The following SAMD4A variants were observed in gnomAD, a reference collection of about 807,000 sequenced individuals.
SAMD4A encodes sterile alpha motif domain containing 4A.
SAMD4A carries 33 observed loss-of-function variants against 81.3 expected under a neutral mutation model. That is an observed-to-expected ratio of 0.41 (90% CI 0.31 to 0.54). The LOEUF (loss-of-function observed/expected upper bound fraction) is 0.54. Among genes scored for constraint, SAMD4A ranks in the 20% least tolerant of loss-of-function variants. The pLI is 0.37. For synonymous variants in SAMD4A, 389 were observed against 382.1 expected, an observed-to-expected ratio of 1.02 and a Z score of -0.21; for missense variants, 854 against 951.1, an observed-to-expected ratio of 0.90 and a Z score of 1.34.
At chr14:54,588,017 C>CT (rs1045507401) in intron 2 of SAMD4A, among the ~76,000 whole-genome samples, 5 of 151,182 alleles carry the variant, frequency 3.3e-5, no homozygotes, top group Middle Eastern at 3.4e-3. Context: ...TCGTCCTGGA[C>CT]TTTTTTTTTG....
intron 3 of SAMD4A, among the ~76,000 whole-genome samples, chr14:54,710,331 T>C (rs1027908972): frequency 5.3e-5 from 8 of 152,192 alleles, no homozygotes; most frequent in Admixed American, 2.6e-4. Flanking sequence ...TTACTATATA[T>C]TGGGTACTGT....
chr14:54,576,924 T>G (rs2033314657), intron 2 of SAMD4A, among the ~76,000 whole-genome samples: 1 of 152,206 alleles, frequency 6.6e-6, no homozygotes, highest in Non-Finnish European at 1.5e-5. Context: ...GAATGTGACT[T>G]AGCCTGGGGT....
chr14:54,691,549 C>CAAA (rs10610242), intron 2 of SAMD4A, among the ~76,000 whole-genome samples: 18 of 101,070 alleles, frequency 1.8e-4, no homozygotes, highest in African/African-American at 6.3e-4. Context: ...CTTCCCTTCT[C>CAAA]AAAAAAAAAA....
In SAMD4A at chr14:54,775,090, G is replaced by A. The variant is rs751702524; in HGVS notation, c.1872G>A (p.Gln624=). 8 of 1,614,048 alleles carry A rather than the reference G, an allele frequency of 5.0e-6. No homozygotes were observed. The South Asian group carries it at 7.7e-5, about 16-fold the overall frequency. Residue 624 remains glutamine (Q), a synonymous_variant, in exon 10 of 13, where the codon CAG becomes CAA. Coordinates refer to ENST00000554335, the MANE Select transcript of SAMD4A (RefSeq NM_015589.6). ...LGTSGFVSSN[Q]RNTTATPTIM... ...CCAGTGGATTCGTCAGCTCCAACCA[G>A]CGCAACACCACAGCTACCCCCACCA...
intron 2 of SAMD4A, among the ~76,000 whole-genome samples, chr14:54,580,875 A>C (rs1037324958): frequency 6.6e-6 from 1 of 152,216 alleles, no homozygotes; most frequent in Non-Finnish European, 1.5e-5. Context: ...ATTTAAAGAA[A>C]TTTAACTGAC....
At chr14:54,678,492 TGTGTGTGTGTGTGTGTGTGTGTGTAG>T (rs2036045314) in intron 2 of SAMD4A, among the ~76,000 whole-genome samples, 1 of 61,472 alleles carries the variant, frequency 1.6e-5, no homozygotes, top group African/African-American at 5.7e-5. Context: ...TGTGTGTGTG[TGTGTGTGTGTGTGTGTGTGTGTGTAG>T]GTCAGGTGGG....
chr14:54,709,260 G>C (rs920905208), intron 3 of SAMD4A, among the ~76,000 whole-genome samples: 14 of 150,884 alleles, frequency 9.3e-5, no homozygotes, highest in Non-Finnish European at 1.9e-4. Context: ...CTGGGTGACA[G>C]AATAAGCCTC....
chr14:54,695,566 A>G (rs1460812329), intron 2 of SAMD4A, among the ~76,000 whole-genome samples: 4 of 152,208 alleles, frequency 2.6e-5, no homozygotes, highest in South Asian at 2.1e-4. Flanking sequence ...ACCAGCTCTC[A>G]TTCAGTGTGG....
chr14:54,638,350 GCT>G (rs1330513570), intron 2 of SAMD4A, among the ~76,000 whole-genome samples: 1 of 152,124 alleles, frequency 6.6e-6, no homozygotes, highest in Non-Finnish European at 1.5e-5. Flanking sequence ...TGCTGAGTTG[GCT>G]CTGTCAATCC....
chr14:54,767,880 TCTCA>T (rs2139898460), intron 8 of SAMD4A, among the ~76,000 whole-genome samples: 1 of 152,198 alleles, frequency 6.6e-6, no homozygotes, highest in East Asian at 1.9e-4. Context: ...CGGCCCCCAC[TCTCA>T]CTCAGCACTG....
intron 2 of SAMD4A, among the ~76,000 whole-genome samples, chr14:54,700,831 G>C (rs879018250): frequency 6.6e-6 from 1 of 152,110 alleles, no homozygotes; most frequent in Admixed American, 6.5e-5. Flanking sequence ...CTTGAAACTT[G>C]AGGACATTAT....
chr14:54,774,341 A>G (rs1214255694), intron 9 of SAMD4A, among the ~76,000 whole-genome samples: 1 of 152,232 alleles, frequency 6.6e-6, no homozygotes, highest in Non-Finnish European at 1.5e-5. Flanking sequence ...CGCCTCTCAG[A>G]TGTTAGCTGC....
chr14:54,647,068 A>G (rs1254399301), intron 2 of SAMD4A, among the ~76,000 whole-genome samples: 1 of 152,224 alleles, frequency 6.6e-6, no homozygotes, highest in African/African-American at 2.4e-5. Flanking sequence ...ATTACATTGT[A>G]TCTGAAGGCA....
At chr14:54,713,975 T>A (rs1005917830) in intron 3 of SAMD4A, among the ~76,000 whole-genome samples, 2 of 152,202 alleles carry the variant, frequency 1.3e-5, no homozygotes. Flanking sequence ...AGTAGAAGGC[T>A]TCTTCATTGA....
At chr14:54,755,082 T>A (rs528940505) in intron 6 of SAMD4A, among the ~76,000 whole-genome samples, 1 of 152,246 alleles carries the variant, frequency 6.6e-6, no homozygotes, top group African/African-American at 2.4e-5. Context: ...AAGAGCTGGA[T>A]GTTGGCCGGG....
Position 54,739,055 on chromosome 14 carries a change from C to CTTTTTTTTTTT in SAMD4A, c.979+1777_979+1787dup, listed in dbSNP as rs3051648. On this transcript the variant is annotated intron_variant, in intron 4 of 12. Transcript: ENST00000554335. Reference sequence around the variant, plus strand: ...TACTTTGTTTTCTTTCTTTCCTTTTCTTTTTTTTTTTTTTTTTTTGAGGCC... The same window carrying CTTTTTTTTTTT: ...TACTTTGTTTTCTTTCTTTCCTTTTCTTTTTTTTTTTTTTTTTTTTTTTTTTTTTTGAGGCC... Among the ~76,000 whole-genome samples the CTTTTTTTTTTT allele has an allele frequency of 1.7e-3, 170 of 97,330 alleles. 14 individuals carry two copies. The highest frequency in any genetic ancestry group is 3.9e-3 in the African/African-American group (80 of 20,642). The allele number at this position is 97,330 out of a possible 152,430, so 63.9% of individuals were successfully genotyped here. A position where few individuals can be genotyped will look rare whatever the true frequency, so the allele number is the denominator to read the frequency against.
intron 2 of SAMD4A, among the ~76,000 whole-genome samples, chr14:54,654,472 A>G (rs1434368860): frequency 6.6e-6 from 1 of 152,184 alleles, no homozygotes; most frequent in Non-Finnish European, 1.5e-5. Context: ...GTGACCCCAC[A>G]CTAGGATTTT....
At chr14:54,667,840 T>C (rs1037749393) in intron 2 of SAMD4A, among the ~76,000 whole-genome samples, 8 of 152,216 alleles carry the variant, frequency 5.3e-5, no homozygotes, top group African/African-American at 1.7e-4. Context: ...TTGTCTTCTT[T>C]TTAAATGGAG....
chr14:54,714,687 G>T (rs2063374394), intron 3 of SAMD4A, among the ~76,000 whole-genome samples: 1 of 152,176 alleles, frequency 6.6e-6, no homozygotes, highest in Admixed American at 6.5e-5. Flanking sequence ...AGGATTAAAT[G>T]AGAAATGTGT....
Sources: gnomAD v4.1 joint callset for allele counts (sites outside exome capture counted in the v4.1 genomes callset) on GRCh38, gnomAD v4.1.1 for gene constraint, MANE v1.5 for transcripts, NCBI Gene and HGNC (gene_info 2026-07-23, HGNC 2026-07-21) for gene names.